MPP7: variants seen among roughly 807,000 people sequenced by gnomAD.
MPP7 encodes MAGUK p55 subfamily member 7.
MPP7 carries 60 observed loss-of-function variants against 76.5 expected under a neutral mutation model. The observed-to-expected ratio is 0.78, with a 90% CI of 0.64 to 0.97. The LOEUF is 0.97. Ranked by LOEUF, MPP7 falls within the 50% of genes least tolerant of loss-of-function variation. The probability of loss-of-function intolerance (pLI) is 0.00; values close to 1 mark genes in which losing one functional copy is unlikely to be tolerated. For missense variants in MPP7, 641 were observed against 694.0 expected, an observed-to-expected ratio of 0.92 and a Z score of 0.86; for synonymous variants, 237 against 244.5, an observed-to-expected ratio of 0.97 and a Z score of 0.29.
rs5784040 is a variant in MPP7, at chr10:28,083,532, C to CTT, written c.1123+6137_1123+6138dup. Among the ~76,000 whole-genome samples, 212 of 81,712 alleles carry CTT rather than the reference C, an allele frequency of 2.6e-3. 2 individuals carry two copies. The highest frequency in any genetic ancestry group is 4.1e-3 in the African/African-American group (95 of 23,134). The allele number at this position is 81,712 out of a possible 152,430, so 53.6% of individuals were successfully genotyped here. On this transcript the variant is annotated intron_variant, in intron 12 of 16. Transcript: ENST00000683449. ...ACCATGCTTACATGATTTTCTTCCT[C>CTT]TTTTTTTTTTTTTTTTTTTTTTGAG...
At chr10:28,278,620 A>G (rs963800683) in intron 1 of MPP7, among the ~76,000 whole-genome samples, 6 of 152,112 alleles carry the variant, frequency 3.9e-5, no homozygotes, top group Non-Finnish European at 8.8e-5. Context: ...CACACAGTGT[A>G]TCATTTATGT....
At chr10:28,072,328 C>A (rs1852277522) in intron 12 of MPP7, among the ~76,000 whole-genome samples, 1 of 152,040 alleles carries the variant, frequency 6.6e-6, no homozygotes. Context: ...CTTCAGTGCA[C>A]CAGACAGTTT....
rs1564603975 is a variant in MPP7 at position 28,051,127 on chromosome 10, T to C, written c.*2938A>G. ...GGAATAGATCACAATAGTAGTATAA[T>C]AAAATAGAATATCCAAGTGCAAAAA... On this transcript the variant is annotated 3_prime_UTR_variant, in exon 17 of 17. Coordinates refer to ENST00000683449, the MANE Select transcript of MPP7 (RefSeq NM_001318170.2). The C allele has an allele frequency of 6.6e-6, 1 of 152,220 alleles. No homozygotes were observed. The highest frequency in any genetic ancestry group is 2.4e-5 in the African/African-American group (1 of 41,456). 9.4% of individuals were successfully genotyped at this position (152,220 alleles called of 1,614,324 possible). A position where few individuals can be genotyped will look rare whatever the true frequency, so the allele number is the denominator to read the frequency against.
intron 4 of MPP7, 98 bp from the exon 5 acceptor site, chr10:28,147,661 C>T: frequency 2.9e-6 from 3 of 1,020,050 alleles, no homozygotes; most frequent in Non-Finnish European, 1.5e-6. Flanking sequence ...AAGGCTATTA[C>T]TTTCCAATGT....
intron 2 of MPP7, among the ~76,000 whole-genome samples, chr10:28,226,786 A>C (rs1426541410): frequency 6.6e-6 from 1 of 152,238 alleles, no homozygotes; most frequent in East Asian, 1.9e-4. Flanking sequence ...TTACAGCAAA[A>C]GCAGAACTCG....
At chr10:28,065,458 C>T (rs1020191499) in intron 13 of MPP7, among the ~76,000 whole-genome samples, 6 of 152,074 alleles carry the variant, frequency 3.9e-5, no homozygotes, top group African/African-American at 1.4e-4. Context: ...ACAGGAACCT[C>T]ATGAACTCAT....
chr10:28,117,667 A>G (rs891103689), intron 11 of MPP7, among the ~76,000 whole-genome samples: 2 of 152,134 alleles, frequency 1.3e-5, no homozygotes, highest in African/African-American at 4.8e-5. Flanking sequence ...TTCAGAATCA[A>G]TACAATGATT....
intron 3 of MPP7, among the ~76,000 whole-genome samples, chr10:28,153,202 C>G (rs778431576): frequency 6.6e-6 from 1 of 151,338 alleles, no homozygotes; most frequent in Non-Finnish European, 1.5e-5. Context: ...TGCAGTGAGC[C>G]GAGATCTCAC....
chr10:28,204,941 C>T (rs1156782220), intron 2 of MPP7, among the ~76,000 whole-genome samples: 3 of 152,156 alleles, frequency 2.0e-5, no homozygotes, highest in Admixed American at 6.6e-5. Context: ...CCAAGTACTG[C>T]TTACATTTTG....
Position 28,091,459 on chromosome 10 carries a change from T to C in MPP7, c.953-1618A>G, listed in dbSNP as rs1054471969. On this transcript the variant is annotated intron_variant, in intron 11 of 16. Coordinates refer to ENST00000683449, the MANE Select transcript of MPP7 (RefSeq NM_001318170.2). ...CATGCCATCACGCCCGGCTAACTTT[T>C]GTATTTTTAGTAGAGACGGGGTTTC... Among the ~76,000 whole-genome samples, 3 of 152,034 alleles carry C rather than the reference T, an allele frequency of 2.0e-5. No homozygotes were observed. In the East Asian group the frequency reaches 5.8e-4, roughly 30 times the overall value.
At chr10:28,090,763 G>T (rs73606052) in intron 11 of MPP7, among the ~76,000 whole-genome samples, 2,610 of 152,304 alleles carry the variant, frequency 0.017, 72 homozygotes, top group African/African-American at 0.058. Flanking sequence ...ACTTTAACTG[G>T]ACTCCAGGGG....
chr10:28,240,913 AAT>A (rs1042251262), intron 1 of MPP7, among the ~76,000 whole-genome samples: 1 of 152,148 alleles, frequency 6.6e-6, no homozygotes, highest in Non-Finnish European at 1.5e-5. Flanking sequence ...CCATTAGGCC[AAT>A]ATATATGCAT....
At chr10:28,185,246 A>G (rs1278908120) in intron 3 of MPP7, among the ~76,000 whole-genome samples, 1 of 150,102 alleles carries the variant, frequency 6.7e-6, no homozygotes, top group Non-Finnish European at 1.5e-5. Flanking sequence ...AGATAAATAT[A>G]ATTGTATATT....
chr10:28,151,262 T>C (rs1835874976), intron 3 of MPP7, among the ~76,000 whole-genome samples: 1 of 152,180 alleles, frequency 6.6e-6, no homozygotes, highest in South Asian at 2.1e-4. Flanking sequence ...ACCAGAATGA[T>C]CAGAGCCACA....
intron 13 of MPP7, among the ~76,000 whole-genome samples, chr10:28,066,545 T>C (rs1851994547): frequency 6.6e-6 from 1 of 152,210 alleles, no homozygotes; most frequent in Non-Finnish European, 1.5e-5. Context: ...TAAACTATTA[T>C]TTCTTTTTAA....
intron 11 of MPP7, among the ~76,000 whole-genome samples, chr10:28,102,954 G>A (rs1236797805): frequency 6.6e-6 from 1 of 152,150 alleles, no homozygotes; most frequent in African/African-American, 2.4e-5. Flanking sequence ...CAATGATCTG[G>A]AGTATAAGAG....
chr10:28,238,773 G>A, intron 1 of MPP7, 38 bp from the exon 2 acceptor site: 1 of 622,734 alleles, frequency 1.6e-6, no homozygotes, highest in Non-Finnish European at 2.8e-6. Flanking sequence ...TTTAAAAAGG[G>A]ACCATCACCA....
intron 2 of MPP7, among the ~76,000 whole-genome samples, chr10:28,317,200 A>G (rs963788728): frequency 6.6e-6 from 1 of 152,142 alleles, no homozygotes; most frequent in Non-Finnish European, 1.5e-5. Flanking sequence ...TAATCCCAGA[A>G]TTTACAAAAT....
At chr10:28,295,655 A>G (rs1246631000) in intron 1 of MPP7, among the ~76,000 whole-genome samples, 1 of 152,226 alleles carries the variant, frequency 6.6e-6, no homozygotes, top group Non-Finnish European at 1.5e-5. Flanking sequence ...TTTTATCAGG[A>G]GTGAAGCTAA....
Sources: gnomAD v4.1 joint callset for allele counts (sites outside exome capture counted in the v4.1 genomes callset) on GRCh38, gnomAD v4.1.1 for gene constraint, MANE v1.5 for transcripts, NCBI Gene and HGNC (gene_info 2026-07-23, HGNC 2026-07-21) for gene names.